The following AKAP13 variants were observed in gnomAD, a reference collection of about 807,000 sequenced individuals.
The protein encoded by AKAP13 is A-kinase anchoring protein 13.
AKAP13 carries 80 observed loss-of-function variants against 264.5 expected under a neutral mutation model. That is an observed-to-expected ratio of 0.30 (90% confidence interval 0.25 to 0.36). AKAP13 has a LOEUF of 0.36. Among genes scored for constraint, AKAP13 ranks in the 10% least tolerant of loss-of-function variants. The pLI, the probability that AKAP13 is intolerant of heterozygous loss-of-function variation, is 1.00. For missense variants in AKAP13, 3,712 were observed against 3,435.2 expected (o/e 1.08, Z -2.01); for synonymous variants, 1,380 against 1,250.2 (o/e 1.10, Z -2.19).
chr15:85,527,477 G>GT (rs1187560197), intron 3 of AKAP13, among the ~76,000 whole-genome samples: 1 of 152,202 alleles, frequency 6.6e-6, no homozygotes, highest in African/African-American at 2.4e-5. Flanking sequence ...GAAGTGAGGA[G>GT]TGAGTAGAGA....
chr15:85,472,421 C>G (rs570093980), intron 1 of AKAP13, among the ~76,000 whole-genome samples: 9 of 151,724 alleles, frequency 5.9e-5, no homozygotes, highest in Non-Finnish European at 1.2e-4. Flanking sequence ...TAATATAACA[C>G]TCGTTCTGGA....
intron 1 of AKAP13, among the ~76,000 whole-genome samples, chr15:85,477,502 C>T (rs1424828956): frequency 6.6e-6 from 1 of 151,882 alleles, no homozygotes; most frequent in African/African-American, 2.4e-5. Flanking sequence ...TTGGCTGGGG[C>T]CCCCAACAGA....
chr15:85,508,287 C>G (rs1008561587), intron 2 of AKAP13, among the ~76,000 whole-genome samples: 1 of 151,816 alleles, frequency 6.6e-6, no homozygotes, highest in Non-Finnish European at 1.5e-5. Flanking sequence ...GGGATACAGG[C>G]ATGCACTACC....
chr15:85,423,669 G>T (rs34159880), intron 1 of AKAP13, among the ~76,000 whole-genome samples: 38,219 of 152,124 alleles, frequency 0.25, 6,365 homozygotes, highest in Non-Finnish European at 0.37. Context: ...ATATTTTGAT[G>T]TTCTCCCCTG....
At chr15:85,697,128 AG>A (rs2085607424) in intron 17 of AKAP13, among the ~76,000 whole-genome samples, 1 of 152,246 alleles carries the variant, frequency 6.6e-6, no homozygotes, top group African/African-American at 2.4e-5. Flanking sequence ...CCATTGGGTT[AG>A]GTTGACAAAT....
chr15:85,482,406 A>C (rs1662246407), intron 1 of AKAP13, among the ~76,000 whole-genome samples: 2 of 152,174 alleles, frequency 1.3e-5, no homozygotes, highest in South Asian at 4.1e-4. Context: ...AATAATATCT[A>C]TGAAGGTAGG....
chr15:85,455,918 T>C (rs2074266346), intron 1 of AKAP13, among the ~76,000 whole-genome samples: 1 of 152,208 alleles, frequency 6.6e-6, no homozygotes, highest in Non-Finnish European at 1.5e-5. Context: ...TGGGACTAAC[T>C]CCTTTAAGTC....
chr15:85,475,895 G>T (rs2075145881), intron 1 of AKAP13, among the ~76,000 whole-genome samples: 1 of 152,078 alleles, frequency 6.6e-6, no homozygotes, highest in Non-Finnish European at 1.5e-5. Flanking sequence ...GCATTCATTG[G>T]GGGCTCAGTA....
rs748217415 is a variant in AKAP13, at chr15:85,400,870, ATATAT to A, written c.-12+20074_-12+20078del. 7.3e-3 allele frequency among the ~76,000 whole-genome samples: 409 copies of A among 56,404 alleles called. 6 individuals are homozygous for A. The highest frequency in any genetic ancestry group is 9.1e-3 in the Middle Eastern group (1 of 110). The allele number at this position is 56,404 out of a possible 152,430, so 37.0% of individuals were successfully genotyped here. On this transcript the variant is annotated intron_variant, in intron 1 of 36. Coordinates refer to ENST00000394518, the MANE Select transcript of AKAP13 (RefSeq NM_007200.5). ...TATATATATATATGTATATATATAT[ATATAT>A]TTTTTTTTTTTAAACAGAGTATGTT... is the stretch of plus-strand genomic sequence containing the variant.
chr15:85,613,884 AATG>A (rs1045948975), intron 8 of AKAP13, among the ~76,000 whole-genome samples: 1 of 151,658 alleles, frequency 6.6e-6, no homozygotes, highest in Admixed American at 6.6e-5. Flanking sequence ...TTAAGGCTAA[AATG>A]ATAACTTTAA....
intron 5 of AKAP13, among the ~76,000 whole-genome samples, chr15:85,561,820 G>A (rs1002128035): frequency 1.9e-4 from 29 of 152,156 alleles, no homozygotes; most frequent in African/African-American, 4.8e-4. Context: ...GACCATAGAC[G>A]CCATGGACTA....
At chr15:85,607,637 AT>A (rs2080414118) in intron 8 of AKAP13, among the ~76,000 whole-genome samples, 1 of 152,190 alleles carries the variant, frequency 6.6e-6, no homozygotes, top group Non-Finnish European at 1.5e-5. Flanking sequence ...ATTTCCTTTG[AT>A]GTTTCCTGTA....
chr15:85,687,291 A>C (rs545427209), intron 16 of AKAP13, among the ~76,000 whole-genome samples: 1 of 152,364 alleles, frequency 6.6e-6, no homozygotes, highest in African/African-American at 2.4e-5. Context: ...GTGTTTAAAC[A>C]AAATGTTACT....
intron 1 of AKAP13, among the ~76,000 whole-genome samples, chr15:85,483,527 G>A (rs1455618305): frequency 2.7e-5 from 4 of 148,240 alleles, no homozygotes; most frequent in Admixed American, 2.0e-4. Context: ...TGGGGAGGCT[G>A]AGGCAGGATA....
At chr15:85,691,490 T>C (rs2085284006) in intron 16 of AKAP13, among the ~76,000 whole-genome samples, 1 of 152,222 alleles carries the variant, frequency 6.6e-6, no homozygotes, top group Non-Finnish European at 1.5e-5. Flanking sequence ...TTTCCGTTCC[T>C]CTTCATGACT....
intron 8 of AKAP13, chr15:85,619,411 T>C (rs146045354): frequency 4.1e-6 from 4 of 985,396 alleles, no homozygotes; most frequent in Non-Finnish European, 4.8e-6. Flanking sequence ...TTTACTCTGC[T>C]GTCCTTAGAG....
At chr15:85,599,299 A>G (rs976242238) in intron 8 of AKAP13, among the ~76,000 whole-genome samples, 1 of 152,240 alleles carries the variant, frequency 6.6e-6, no homozygotes, top group Non-Finnish European at 1.5e-5. Context: ...TTGTTTGAAG[A>G]TTAGCATATA....
intron 9 of AKAP13, 143 bp from the exon 10 acceptor site, chr15:85,645,671 AAAAG>A (rs2082524486): frequency 1.1e-6 from 1 of 885,550 alleles, no homozygotes; most frequent in South Asian, 2.0e-5. Flanking sequence ...AATTTTGAAA[AAAAG>A]AAATAAGGAG....
chr15:85,649,137 A>T (rs1223614585), intron 10 of AKAP13, among the ~76,000 whole-genome samples: 1 of 152,222 alleles, frequency 6.6e-6, no homozygotes, highest in Non-Finnish European at 1.5e-5. Context: ...CTAAATTTTT[A>T]AAATATTTGA....
Sources: gnomAD v4.1 joint callset for allele counts (sites outside exome capture counted in the v4.1 genomes callset) on GRCh38, gnomAD v4.1.1 for gene constraint, MANE v1.5 for transcripts, NCBI Gene and HGNC (gene_info 2026-07-23, HGNC 2026-07-21) for gene names.